The following MYL9 variants were observed in gnomAD, a reference collection of about 807,000 sequenced individuals.
MYL9 encodes myosin regulatory light polypeptide 9.
A neutral mutation model predicts 12.8 loss-of-function variants in MYL9; 7 were observed. That is an observed-to-expected ratio of 0.55 (90% CI 0.31 to 1.03). The LOEUF (loss-of-function observed/expected upper bound fraction) is 1.03. Ranked by LOEUF, MYL9 falls within the 50% of genes least tolerant of loss-of-function variation. The probability of loss-of-function intolerance (pLI) is 0.05; values close to 1 mark genes in which losing one functional copy is unlikely to be tolerated. For missense variants in MYL9, 190 were observed against 242.7 expected (o/e 0.78, Z 1.44); for synonymous variants, 81 against 87.8 (o/e 0.92, Z 0.43).
Position 36,548,016 on chromosome 20 carries a change from AC to A in MYL9, c.185-12del, listed in dbSNP as rs2038121439. ...AGGGCCCAGGACCACAGGCTGGAAC[AC>A]CCCACCTGCCACAGGGAAGAACCCC... is the stretch of plus-strand genomic sequence containing the variant. On this transcript the variant is annotated splice_polypyrimidine_tract_variant and intron_variant, in intron 2 of 3. Transcript: ENST00000279022. The A allele has an allele frequency of 6.3e-7, 1 of 1,591,434 alleles. No homozygotes were observed.
At chr20:36,541,746 G>A (rs1600743218) in intron 1 of MYL9, among the ~76,000 whole-genome samples, 185 bp downstream of exon 1, 1 of 152,238 alleles carries the variant, frequency 6.6e-6, no homozygotes, top group African/African-American at 2.4e-5. Context: ...GCTGGGGGCC[G>A]ACAGGGACTC....
At chr20:36,545,767 A>G (rs946287825) in intron 2 of MYL9, among the ~76,000 whole-genome samples, 1 of 151,850 alleles carries the variant, frequency 6.6e-6, no homozygotes, top group Non-Finnish European at 1.5e-5. Context: ...CGTCTCTACT[A>G]AAAATACAAA....
rs2038159573 is a variant in MYL9 at position 36,550,876 on chromosome 20, T to A, written c.*1627T>A. The A allele has an allele frequency of 6.5e-6, 1 of 152,864 alleles. No homozygotes were observed. The highest frequency in any genetic ancestry group is 2.1e-4 in the South Asian group (1 of 4,846). The allele number at this position is 152,864 out of a possible 1,614,324, so 9.5% of individuals were successfully genotyped here. A position where few individuals can be genotyped will look rare whatever the true frequency, so the allele number is the denominator to read the frequency against. ...CACCCCCGGCAGCAGGCTGCAGGCC[T>A]CCAGCTACACACACGGCCCTGGGCA... On this transcript the variant is annotated 3_prime_UTR_variant, in exon 4 of 4. Coordinates refer to ENST00000279022, the MANE Select transcript of MYL9 (RefSeq NM_006097.5).
Position 36,549,283 on chromosome 20 carries a change from CAGTCA to C in MYL9, c.*35_*39del. ...AGCCCCCTGACACCCCAGCCCCCGC[CAGTCA>C]CCCCTCCCCGCACACACCCGTCCAT... On this transcript the variant is annotated 3_prime_UTR_variant, in exon 4 of 4. Coordinates refer to ENST00000279022, the MANE Select transcript of MYL9 (RefSeq NM_006097.5). The C allele has an allele frequency of 6.6e-7, 1 of 1,505,302 alleles. No individual in the cohort carries two copies. The highest frequency in any genetic ancestry group is 9.0e-7 in the Non-Finnish European group (1 of 1,111,998). The allele number at this position is 1,505,302 out of a possible 1,614,324, so 93.2% of individuals were successfully genotyped here.
intron 1 of MYL9, 123 bp downstream of exon 1, chr20:36,541,684 G>C (rs796254787): frequency 4.1e-4 from 62 of 152,714 alleles, no homozygotes; most frequent in African/African-American, 1.4e-3. Context: ...GGACTGGGAC[G>C]TGGTAGGGTC....
intron 2 of MYL9, among the ~76,000 whole-genome samples, chr20:36,545,496 C>CA (rs577748904): frequency 0.07 from 5,223 of 75,004 alleles, 323 homozygotes; most frequent in African/African-American, 0.2. Context: ...GACTCCATCT[C>CA]AAAAAAAAAA....
chr20:36,542,631 G>A (rs775210630), intron 1 of MYL9, among the ~76,000 whole-genome samples: 2 of 152,126 alleles, frequency 1.3e-5, no homozygotes, highest in Non-Finnish European at 2.9e-5. Flanking sequence ...TTCAAGCCTC[G>A]AGGGCACCAG....
intron 2 of MYL9, among the ~76,000 whole-genome samples, chr20:36,545,980 G>A (rs986746582): frequency 1.3e-5 from 2 of 152,210 alleles, no homozygotes; most frequent in Non-Finnish European, 2.9e-5. Context: ...ACTGCAGGCT[G>A]CCCACTGCAC....
chr20:36,549,495 G>T lies in MYL9; in HGVS notation c.*246G>T. 1 of 456,180 alleles carries T rather than the reference G, an allele frequency of 2.2e-6. No individual in the cohort carries two copies. The allele number at this position is 456,180 out of a possible 1,614,324, so 28.3% of individuals were successfully genotyped here. A position where few individuals can be genotyped will look rare whatever the true frequency, so the allele number is the denominator to read the frequency against. On this transcript the variant is annotated 3_prime_UTR_variant, in exon 4 of 4. Transcript: ENST00000279022. ...CTCCAAGGAAAGACCACCTTCTGGGGACATGGGCTGGAGGGCAGGACCTAG... is the reference window on the plus strand; with the variant it reads ...CTCCAAGGAAAGACCACCTTCTGGGTACATGGGCTGGAGGGCAGGACCTAG...
chr20:36,546,666 G>A (rs1453800281), intron 2 of MYL9, among the ~76,000 whole-genome samples: 1 of 151,514 alleles, frequency 6.6e-6, no homozygotes, highest in Non-Finnish European at 1.5e-5. Flanking sequence ...CCAGGCTGGA[G>A]TGGCACCATC....
At position 36,549,444 on chromosome 20, in the gene MYL9, G is replaced by A. The variant is rs77683769; in HGVS notation, c.*195G>A. 4 of 589,562 alleles carry A rather than the reference G, an allele frequency of 6.8e-6. No homozygotes were observed. Among genetic ancestry groups the A allele is most frequent in the African/African-American group, 3.7e-5 (2 of 53,504 alleles). The allele number at this position is 589,562 out of a possible 1,614,324, so 36.5% of individuals were successfully genotyped here. ...GGCAGATGTTCCCACAGTGACCCCA[G>A]AGCCCTGGGCTATAGTCTCTGACCC... is the stretch of plus-strand genomic sequence containing the variant. On this transcript the variant is annotated 3_prime_UTR_variant, in exon 4 of 4. Coordinates refer to ENST00000279022, the MANE Select transcript of MYL9 (RefSeq NM_006097.5).
chr20:36,545,747 G>A (rs1473664566), intron 2 of MYL9, among the ~76,000 whole-genome samples: 5 of 151,880 alleles, frequency 3.3e-5, no homozygotes, highest in Admixed American at 6.6e-5. Flanking sequence ...TGGCTAACAT[G>A]GTGAAACCCC....
At chr20:36,543,287 G>A (rs1272869003) in intron 1 of MYL9, among the ~76,000 whole-genome samples, 1 of 152,236 alleles carries the variant, frequency 6.6e-6, no homozygotes, top group Non-Finnish European at 1.5e-5. Flanking sequence ...GGGACCAGCT[G>A]GGGCTGGCCG....
chr20:36,546,453 TC>T (rs1347604081), intron 2 of MYL9, among the ~76,000 whole-genome samples: 1 of 151,912 alleles, frequency 6.6e-6, no homozygotes, highest in East Asian at 1.9e-4. Context: ...CCCTGACATT[TC>T]CCCACGAGGC....
At chr20:36,547,361 A>G (rs1187240141) in intron 2 of MYL9, among the ~76,000 whole-genome samples, 1 of 152,238 alleles carries the variant, frequency 6.6e-6, no homozygotes. Flanking sequence ...AGGTTAAGTA[A>G]TTTACCCAAG....
At chr20:36,542,074 G>T (rs1437451936) in intron 1 of MYL9, among the ~76,000 whole-genome samples, 1 of 152,154 alleles carries the variant, frequency 6.6e-6, no homozygotes, top group Non-Finnish European at 1.5e-5. Context: ...AAGGGACCGA[G>T]ACCAGGGGGC....
chr20:36,543,159 G>A (rs1025966363), intron 1 of MYL9, among the ~76,000 whole-genome samples: 2 of 152,236 alleles, frequency 1.3e-5, no homozygotes, highest in African/African-American at 4.8e-5. Flanking sequence ...CTAGGTCATG[G>A]GTGAGAAGGA....
intron 3 of MYL9, 128 bp from the exon 4 acceptor site, chr20:36,548,949 C>G: frequency 1.0e-6 from 1 of 985,548 alleles, no homozygotes; most frequent in South Asian, 1.7e-5. Flanking sequence ...TCAGACTGAC[C>G]AGAGACTAAG....
At chr20:36,545,451 C>T (rs937541709) in intron 2 of MYL9, among the ~76,000 whole-genome samples, 4 of 149,382 alleles carry the variant, frequency 2.7e-5, no homozygotes, top group Non-Finnish European at 4.4e-5. Context: ...GAGCCGAGAT[C>T]GCCCCACTGC....
Sources: gnomAD v4.1 joint callset for allele counts (sites outside exome capture counted in the v4.1 genomes callset) on GRCh38, gnomAD v4.1.1 for gene constraint, MANE v1.5 for transcripts, NCBI Gene and HGNC (gene_info 2026-07-23, HGNC 2026-07-21) for gene names.